Variants in MAML3 observed in about 807,000 individuals in gnomAD.
MAML3 encodes the protein mastermind like transcriptional coactivator 3, also known as mastermind-like protein 3.
A neutral mutation model predicts 101.9 loss-of-function variants in MAML3; 27 were observed. That is an observed-to-expected ratio of 0.27 (90% CI 0.20 to 0.37). The LOEUF (loss-of-function observed/expected upper bound fraction) is 0.37, where lower values mean the gene tolerates loss of function less well. Among genes scored for constraint, MAML3 ranks in the 10% least tolerant of loss-of-function variants. The probability of loss-of-function intolerance (pLI) is 1.00; values close to 1 mark genes in which losing one functional copy is unlikely to be tolerated. For missense variants in MAML3, 1,316 were observed against 1,444.9 expected, an observed-to-expected ratio of 0.91 and a Z score of 1.45; for synonymous variants, 501 against 555.9, an observed-to-expected ratio of 0.90 and a Z score of 1.39.
chr4:140,063,299 G>A (rs1048671530), intron 1 of MAML3, among the ~76,000 whole-genome samples: 3 of 152,224 alleles, frequency 2.0e-5, no homozygotes, highest in Non-Finnish European at 4.4e-5. Flanking sequence ...GAAAGCCACA[G>A]AGAGAGAAAA....
rs563023986 is a variant in MAML3 at position 140,133,945 on chromosome 4, A to G, written c.468+18915T>C. On this transcript the variant is annotated intron_variant, in intron 1 of 4. Coordinates refer to ENST00000509479, the MANE Select transcript of MAML3 (RefSeq NM_018717.5). ...ATTTGATTTTTTACCCATACTTAAC[A>G]CCTCAAAATGTATGATCATTTTTAC... 8 of 354,276 alleles carry G rather than the reference A, an allele frequency of 2.3e-5. No homozygotes were observed. The Admixed American group carries it at 2.7e-4, about 12-fold the overall frequency. 21.9% of individuals were successfully genotyped at this position (354,276 alleles called of 1,614,324 possible). A position where few individuals can be genotyped will look rare whatever the true frequency, so the allele number is the denominator to read the frequency against.
chr4:139,903,066 A>C (rs1235443101), intron 1 of MAML3, among the ~76,000 whole-genome samples: 2 of 152,222 alleles, frequency 1.3e-5, no homozygotes, highest in Non-Finnish European at 2.9e-5. Flanking sequence ...TGGACATGTG[A>C]CCATTGAATT....
Position 139,719,262 on chromosome 4 carries a change from GTTTC to G in MAML3, c.*57_*60del, listed in dbSNP as rs1579354038. Reference sequence around the variant, plus strand: ...AAAAACAAGGATGGGTCAACATCCTGTTTCTTTTTCACTTTTTAAGCTTTAACCA... The same window carrying G: ...AAAAACAAGGATGGGTCAACATCCTGTTTTTCACTTTTTAAGCTTTAACCA... On this transcript the variant is annotated 3_prime_UTR_variant, in exon 5 of 5. Transcript: ENST00000509479. The G allele has an allele frequency of 1.3e-6, 2 of 1,507,234 alleles. No homozygotes were observed. The highest frequency in any genetic ancestry group is 2.3e-5 in the East Asian group (1 of 43,742). 93.4% of individuals were successfully genotyped at this position (1,507,234 alleles called of 1,614,324 possible).
chr4:139,945,768 C>T (rs961975443), intron 1 of MAML3, among the ~76,000 whole-genome samples: 8 of 152,186 alleles, frequency 5.3e-5, no homozygotes, highest in African/African-American at 1.9e-4. Context: ...ATGCTTAATT[C>T]CTCCAGATCA....
intron 2 of MAML3, among the ~76,000 whole-genome samples, chr4:139,812,202 T>C (rs1483018755): frequency 6.6e-6 from 1 of 152,148 alleles, no homozygotes; most frequent in Non-Finnish European, 1.5e-5. Flanking sequence ...TAGTGAGCTA[T>C]GGTTGTGCTA....
intron 1 of MAML3, among the ~76,000 whole-genome samples, chr4:140,088,177 C>T (rs1727988909): frequency 6.6e-6 from 1 of 151,634 alleles, no homozygotes; most frequent in Non-Finnish European, 1.5e-5. Context: ...ACGATCTCAC[C>T]ACTGCACTCC....
chr4:139,787,480 T>A (rs752728697), intron 2 of MAML3, among the ~76,000 whole-genome samples: 49 of 152,224 alleles, frequency 3.2e-4, no homozygotes, highest in Non-Finnish European at 1.3e-4. Flanking sequence ...ATTTTCCAAG[T>A]CAGCAAGCTT....
At chr4:139,863,064 C>T (rs371041359) in intron 2 of MAML3, among the ~76,000 whole-genome samples, 1 of 149,784 alleles carries the variant, frequency 6.7e-6, no homozygotes, top group Admixed American at 6.7e-5. Context: ...GCAGGAAAGT[C>T]GCTTGAACCC....
intron 1 of MAML3, among the ~76,000 whole-genome samples, chr4:140,108,175 C>T (rs764338512): frequency 1.3e-5 from 2 of 152,072 alleles, no homozygotes; most frequent in Admixed American, 6.6e-5. Flanking sequence ...ATGTGGGCCA[C>T]GGCCTCATTG....
intron 3 of MAML3, among the ~76,000 whole-genome samples, chr4:139,729,769 C>T (rs1189853120): frequency 3.9e-5 from 6 of 152,118 alleles, no homozygotes; most frequent in South Asian, 4.2e-4. Context: ...AATTATAGGG[C>T]GAGGGTGGAC....
chr4:140,131,683 C>A (rs552450455), intron 1 of MAML3, among the ~76,000 whole-genome samples: 1 of 152,324 alleles, frequency 6.6e-6, no homozygotes, highest in East Asian at 1.9e-4. Context: ...TAGCTCTCCC[C>A]TCCATGGCCC....
intron 1 of MAML3, among the ~76,000 whole-genome samples, chr4:139,909,836 C>CA (rs11379402): frequency 0.3 from 17,689 of 58,370 alleles, 3,970 homozygotes; most frequent in East Asian, 0.58. Flanking sequence ...GATGCCGTCT[C>CA]AAAAAAAAAA....
At chr4:139,978,396 T>A (rs1734383133) in intron 1 of MAML3, among the ~76,000 whole-genome samples, 1 of 152,100 alleles carries the variant, frequency 6.6e-6, no homozygotes, top group African/African-American at 2.4e-5. Flanking sequence ...AGGAAGCCTG[T>A]TGGAGTGAGC....
intron 1 of MAML3, among the ~76,000 whole-genome samples, chr4:139,912,048 G>T (rs1465922243): frequency 2.0e-5 from 3 of 152,202 alleles, no homozygotes; most frequent in Non-Finnish European, 1.5e-5. Flanking sequence ...CCCTGTTTCA[G>T]TTCTGGTGGC....
At chr4:139,798,044 GA>G (rs1449060154) in intron 2 of MAML3, among the ~76,000 whole-genome samples, 4 of 45,244 alleles carry the variant, frequency 8.8e-5, no homozygotes, top group Non-Finnish European at 2.1e-4. Flanking sequence ...GAGAAAGAAA[GA>G]AAGAAAGAAA....
intron 1 of MAML3, among the ~76,000 whole-genome samples, chr4:139,960,678 C>A (rs1379109528): frequency 6.6e-6 from 1 of 152,108 alleles, no homozygotes; most frequent in African/African-American, 2.4e-5. Context: ...AGCAAAATCC[C>A]CAGACTTCTG....
intron 1 of MAML3, among the ~76,000 whole-genome samples, chr4:139,937,723 C>T (rs958066327): frequency 6.6e-6 from 1 of 152,150 alleles, no homozygotes; most frequent in African/African-American, 2.4e-5. Context: ...TCAGAGGCAA[C>T]AAATGCAGAA....
At chr4:140,126,477 T>G (rs916720877) in intron 1 of MAML3, among the ~76,000 whole-genome samples, 1 of 152,214 alleles carries the variant, frequency 6.6e-6, no homozygotes, top group African/African-American at 2.4e-5. Context: ...TAGTGTTTAC[T>G]ACACCACTCT....
At chr4:139,801,760 T>C (rs1730613718) in intron 2 of MAML3, among the ~76,000 whole-genome samples, 1 of 151,880 alleles carries the variant, frequency 6.6e-6, no homozygotes, top group African/African-American at 2.4e-5. Flanking sequence ...CGGGTAGCAG[T>C]GGTGCTTAGG....
Sources: gnomAD v4.1 joint callset for allele counts (sites outside exome capture counted in the v4.1 genomes callset) on GRCh38, gnomAD v4.1.1 for gene constraint, MANE v1.5 for transcripts, NCBI Gene and HGNC (gene_info 2026-07-23, HGNC 2026-07-21) for gene names.